Variants in CACNA1D observed in about 807,000 individuals in gnomAD.
CACNA1D encodes the protein voltage-dependent L-type calcium channel subunit alpha-1D.
In CACNA1D, 55 loss-of-function variants were observed where a neutral mutation model predicts 257.1. The observed-to-expected ratio is 0.21, with a 90% CI of 0.17 to 0.27. CACNA1D has a LOEUF of 0.27. CACNA1D is among the 10% of genes least tolerant of loss of function. The probability of loss-of-function intolerance (pLI) is 1.00; values close to 1 mark genes in which losing one functional copy is unlikely to be tolerated. For synonymous variants in CACNA1D, 980 were observed against 1,014.9 expected, an observed-to-expected ratio of 0.97 and a Z score of 0.65; for missense variants, 1,876 against 2,784.0, an observed-to-expected ratio of 0.67 and a Z score of 7.34.
intron 33 of CACNA1D, chr3:53,773,568 TGTGCAG>T (rs1401495297): frequency 2.6e-5 from 4 of 152,382 alleles, no homozygotes; most frequent in Non-Finnish European, 4.4e-5. Context: ...ATTCTCCACG[TGTGCAG>T]GTGCTGTCTT....
Position 53,660,198 on chromosome 3 carries a change from A to G in CACNA1D, c.689A>G (p.Lys230Arg), listed in dbSNP as rs1484288914. 1.2e-6 allele frequency: 2 copies of G among 1,614,100 alleles called. No individual in the cohort carries two copies. The highest frequency in any genetic ancestry group is 1.7e-6 in the Non-Finnish European group (2 of 1,179,944). Residue 230 changes from lysine (K) to arginine (R), a missense_variant, in exon 5 of 48, where the codon AAA becomes AGA. Lys to Arg is a conservative substitution (Grantham distance 26, BLOSUM62 2). This residue lies in a region of CACNA1D where 188 missense variants were observed against 390.4 expected (regional missense o/e 0.48). Coordinates refer to ENST00000350061, the MANE Select transcript of CACNA1D (RefSeq NM_001128840.3). ...ETEGGNHSSG[K>R]SGGFDVKALR... Reference sequence around the variant, plus strand: ...GAAGGCGGGAACCACTCAAGCGGCAAATCTGGAGGCTTTGATGTCAAAGCC... The same window carrying G: ...GAAGGCGGGAACCACTCAAGCGGCAGATCTGGAGGCTTTGATGTCAAAGCC...
chr3:53,761,408 G>C (rs907742414), intron 29 of CACNA1D, among the ~76,000 whole-genome samples: 5 of 152,166 alleles, frequency 3.3e-5, no homozygotes, highest in African/African-American at 1.2e-4. Context: ...GTCCCCGTAA[G>C]CCATTATCTA....
At chr3:53,509,748 C>T (rs1229670983) in intron 3 of CACNA1D, among the ~76,000 whole-genome samples, 1 of 152,092 alleles carries the variant, frequency 6.6e-6, no homozygotes, top group African/African-American at 2.4e-5. Flanking sequence ...AGGGGCCAGG[C>T]GAGAGGCTCA....
intron 8 of CACNA1D, among the ~76,000 whole-genome samples, chr3:53,689,235 G>T (rs1051522840): frequency 6.6e-6 from 1 of 152,128 alleles, no homozygotes; most frequent in Non-Finnish European, 1.5e-5. Context: ...GGTGCCTCCT[G>T]CCTGTCGGAA....
intron 3 of CACNA1D, among the ~76,000 whole-genome samples, chr3:53,605,853 G>T (rs1008552997): frequency 6.6e-6 from 1 of 152,210 alleles, no homozygotes; most frequent in African/African-American, 2.4e-5. Flanking sequence ...GCTGTGAGAT[G>T]CTTTCCCTAG....
At chr3:53,610,205 G>A (rs984838447) in intron 3 of CACNA1D, among the ~76,000 whole-genome samples, 2 of 152,156 alleles carry the variant, frequency 1.3e-5, no homozygotes. Flanking sequence ...CATGTTTATT[G>A]GGCTGTTAAT....
intron 3 of CACNA1D, among the ~76,000 whole-genome samples, chr3:53,590,918 T>A (rs1281101954): frequency 1.3e-5 from 2 of 152,240 alleles, no homozygotes; most frequent in Non-Finnish European, 2.9e-5. Flanking sequence ...CAGAAGGCCC[T>A]ACTGCCTGTC....
intron 45 of CACNA1D, chr3:53,807,906 G>A (rs1323518869): frequency 6.6e-6 from 1 of 152,544 alleles, no homozygotes; most frequent in Non-Finnish European, 1.5e-5. Flanking sequence ...GCTGATCAGT[G>A]CAGGTAAAGT....
intron 3 of CACNA1D, among the ~76,000 whole-genome samples, chr3:53,586,319 T>C (rs189674656): frequency 8.5e-4 from 128 of 150,030 alleles, no homozygotes; most frequent in Non-Finnish European, 1.4e-3. Context: ...TGTGTGTGTG[T>C]GCATTCCTCC....
intron 3 of CACNA1D, among the ~76,000 whole-genome samples, chr3:53,647,494 G>A (rs74373443): frequency 0.023 from 3,433 of 152,232 alleles, 132 homozygotes; most frequent in African/African-American, 0.079. Context: ...ATCAGTCGTG[G>A]CCACAGACCT....
At chr3:53,498,631 A>G (rs975405540) in intron 2 of CACNA1D, among the ~76,000 whole-genome samples, 1 of 152,188 alleles carries the variant, frequency 6.6e-6, no homozygotes, top group African/African-American at 2.4e-5. Context: ...CACACCAAAA[A>G]GGGAGGATGT....
chr3:53,682,535 G>A (rs1037695831), intron 8 of CACNA1D, among the ~76,000 whole-genome samples: 3 of 148,946 alleles, frequency 2.0e-5, no homozygotes, highest in African/African-American at 7.4e-5. Flanking sequence ...CCAGCCTGGG[G>A]AGCAGAGTGA....
chr3:53,688,329 G>A (rs2094491279), intron 8 of CACNA1D, among the ~76,000 whole-genome samples: 1 of 152,220 alleles, frequency 6.6e-6, no homozygotes, highest in African/African-American at 2.4e-5. Context: ...GGAGCACAAA[G>A]GCAGGGGTCA....
chr3:53,746,667 G>A (rs1448627535), intron 25 of CACNA1D, among the ~76,000 whole-genome samples: 3 of 152,208 alleles, frequency 2.0e-5, no homozygotes, highest in Non-Finnish European at 4.4e-5. Flanking sequence ...TTCACACACC[G>A]TTCATGGCGT....
At chr3:53,726,436 G>A (rs1432161696) in intron 14 of CACNA1D, among the ~76,000 whole-genome samples, 1 of 65,238 alleles carries the variant, frequency 1.5e-5, no homozygotes, top group African/African-American at 6.2e-5. Flanking sequence ...TCAGGAGTTC[G>A]AGACCAGCCT....
chr3:53,534,341 T>C (rs2092047363), intron 3 of CACNA1D, among the ~76,000 whole-genome samples: 1 of 152,244 alleles, frequency 6.6e-6, no homozygotes, highest in Middle Eastern at 3.2e-3. Context: ...CTTTATCTTA[T>C]CTAATTTTAT....
At position 53,687,965 on chromosome 3, in the gene CACNA1D, T is replaced by C. The variant is rs139243901; in HGVS notation, c.1221-14676T>C. ...CACCAAGAGTACAGAGCAACTGATA[T>C]GCTCATACATTGTTTATAGAAACAT... On this transcript the variant is annotated intron_variant, in intron 8 of 47. Coordinates refer to ENST00000350061, the MANE Select transcript of CACNA1D (RefSeq NM_001128840.3). Among the ~76,000 whole-genome samples, 3 of 152,246 alleles carry C rather than the reference T, an allele frequency of 2.0e-5. 1 individual carries two copies. Among genetic ancestry groups the C allele is most frequent in the South Asian group, 4.1e-4 (2 of 4,834 alleles).
chr3:53,564,639 A>G (rs538758830), intron 3 of CACNA1D, among the ~76,000 whole-genome samples: 1 of 151,910 alleles, frequency 6.6e-6, no homozygotes, highest in Non-Finnish European at 1.5e-5. Flanking sequence ...TTTTTTCTTT[A>G]GTTTTTAAAT....
intron 8 of CACNA1D, among the ~76,000 whole-genome samples, chr3:53,689,503 T>G (rs1439452730): frequency 6.6e-6 from 1 of 151,190 alleles, no homozygotes; most frequent in Non-Finnish European, 1.5e-5. Context: ...AGGGATGGGG[T>G]CTGCATGGAG....
Sources: gnomAD v4.1 joint callset for allele counts (sites outside exome capture counted in the v4.1 genomes callset) on GRCh38, gnomAD v4.1.1 for gene constraint, gnomAD v4.1.1 regional missense constraint, MANE v1.5 for transcripts, NCBI Gene and HGNC (gene_info 2026-07-23, HGNC 2026-07-21) for gene names.